The following MRAP2 variants were observed in gnomAD, a reference collection of about 807,000 sequenced individuals.
MRAP2 encodes the protein melanocortin 2 receptor accessory protein 2.
A neutral mutation model predicts 17.4 loss-of-function variants in MRAP2; 20 were observed. That is an observed-to-expected ratio of 1.15 (90% CI 0.81 to 1.67). The LOEUF is 1.67. MRAP2 is among the 40% of genes most tolerant of loss of function. The probability of loss-of-function intolerance (pLI) is 0.00; values close to 1 mark genes in which losing one functional copy is unlikely to be tolerated. For missense variants in MRAP2, 238 were observed against 240.0 expected (o/e 0.99, Z 0.05); for synonymous variants, 96 against 88.4 (o/e 1.09, Z -0.48).
At chr6:84,105,603 C>T in the MRAP2 span, among the ~76,000 whole-genome samples, 1 of 152,168 alleles carries the variant, frequency 6.6e-6, no homozygotes, top group African/African-American at 2.4e-5. Context: ...ACCATATCAG[C>T]ATGGTAGTAC....
chr6:84,127,631 T>C, the MRAP2 span, among the ~76,000 whole-genome samples: 1 of 152,202 alleles, frequency 6.6e-6, no homozygotes, highest in Admixed American at 6.5e-5. Context: ...GGCATAGTCA[T>C]ACACAGAATG....
the MRAP2 span, among the ~76,000 whole-genome samples, chr6:84,115,496 C>T: frequency 6.6e-6 from 1 of 152,186 alleles, no homozygotes; most frequent in Admixed American, 6.5e-5. Flanking sequence ...GCCAGTGGAA[C>T]TTAGCCTGCT....
the MRAP2 span, among the ~76,000 whole-genome samples, chr6:84,104,595 G>T: frequency 2.0e-5 from 3 of 152,146 alleles, no homozygotes; most frequent in Non-Finnish European, 2.9e-5. Context: ...TCGGCTGGGC[G>T]CAGTGGCTCA....
chr6:84,141,774 C>T, the MRAP2 span, among the ~76,000 whole-genome samples: 2 of 152,188 alleles, frequency 1.3e-5, no homozygotes, highest in Non-Finnish European at 2.9e-5. Context: ...TGTACCTACA[C>T]TCCACCTACT....
the MRAP2 span, among the ~76,000 whole-genome samples, chr6:84,108,173 C>T: frequency 6.6e-6 from 1 of 152,124 alleles, no homozygotes; most frequent in African/African-American, 2.4e-5. Context: ...GTCTTTATAA[C>T]AGAGCCATTT....
At chr6:84,139,717 A>G in the MRAP2 span, among the ~76,000 whole-genome samples, 3 of 152,184 alleles carry the variant, frequency 2.0e-5, no homozygotes, top group Non-Finnish European at 4.4e-5. Context: ...CTTCTTTTCC[A>G]TATTCAGATT....
At chr6:84,076,248 G>A (rs2099497575) in intron 3 of MRAP2, among the ~76,000 whole-genome samples, 1 of 146,662 alleles carries the variant, frequency 6.8e-6, no homozygotes, top group Admixed American at 6.8e-5. Context: ...TTTTGAGACA[G>A]AGTCTCACTC....
chr6:84,138,012 T>C, the MRAP2 span, among the ~76,000 whole-genome samples: 1 of 152,206 alleles, frequency 6.6e-6, no homozygotes, highest in Non-Finnish European at 1.5e-5. Flanking sequence ...ATTTCTATAA[T>C]TAATATACTA....
the MRAP2 span, among the ~76,000 whole-genome samples, chr6:84,128,760 G>A: frequency 1.1e-4 from 17 of 151,920 alleles, no homozygotes; most frequent in African/African-American, 4.1e-4. Context: ...TGTTACATAG[G>A]TATACACGTG....
intron 3 of MRAP2, 26 bp downstream of exon 3, chr6:84,063,018 C>T: frequency 6.2e-7 from 1 of 1,613,868 alleles, no homozygotes; most frequent in Non-Finnish European, 8.5e-7. Context: ...TCCTAAATGT[C>T]TCTTAAGCCT....
chr6:84,106,521 G>A, the MRAP2 span, among the ~76,000 whole-genome samples: 2 of 152,284 alleles, frequency 1.3e-5, no homozygotes, highest in Non-Finnish European at 2.9e-5. Flanking sequence ...TCATACCCAG[G>A]AAGGCTTTTG....
intron 3 of MRAP2, among the ~76,000 whole-genome samples, chr6:84,086,629 A>G (rs1207180589): frequency 6.6e-6 from 1 of 152,174 alleles, no homozygotes; most frequent in Non-Finnish European, 1.5e-5. Context: ...TGCTCTTCTC[A>G]GGAAGGGAGA....
chr6:84,088,234 AT>A (rs759812817), intron 3 of MRAP2, among the ~76,000 whole-genome samples: 1 of 152,194 alleles, frequency 6.6e-6, no homozygotes, highest in South Asian at 2.1e-4. Flanking sequence ...TGCATGGGCA[AT>A]CCTTCTTTAA....
At chr6:84,093,862 A>T (rs1377311969), downstream of MRAP2, among the ~76,000 whole-genome samples, 2 of 152,204 alleles carry the variant, frequency 1.3e-5, no homozygotes, top group African/African-American at 4.8e-5. Flanking sequence ...TAATCCCTTA[A>T]AGCAGGAACT....
chr6:84,138,790 C>G, the MRAP2 span, among the ~76,000 whole-genome samples: 1 of 152,144 alleles, frequency 6.6e-6, no homozygotes, highest in African/African-American at 2.4e-5. Context: ...ATTGCTTTCA[C>G]TAAAAACTTT....
the MRAP2 span, among the ~76,000 whole-genome samples, chr6:84,113,997 G>C: frequency 2.0e-5 from 3 of 152,140 alleles, no homozygotes; most frequent in African/African-American, 7.2e-5. Flanking sequence ...TTTCTCTCTT[G>C]CTGCCTTTAA....
intron 3 of MRAP2, among the ~76,000 whole-genome samples, chr6:84,073,914 A>G (rs373260627): frequency 2.0e-4 from 28 of 143,098 alleles, no homozygotes; most frequent in African/African-American, 7.4e-4. Flanking sequence ...CTCATCAGCT[A>G]TCATTAGTGT....
chr6:84,093,235 CA>C (rs2099502072), downstream of MRAP2, among the ~76,000 whole-genome samples: 1 of 149,982 alleles, frequency 6.7e-6, no homozygotes, highest in Non-Finnish European at 1.5e-5. Flanking sequence ...AACATAGGAG[CA>C]AAGAGAAAGA....
the MRAP2 span, among the ~76,000 whole-genome samples, chr6:84,107,057 C>T: frequency 4.6e-5 from 7 of 152,242 alleles, no homozygotes; most frequent in East Asian, 1.9e-4. Flanking sequence ...GGCTCCAAAC[C>T]GCATCCCTGT....
Sources: allele counts gnomAD v4.1 joint callset (sites outside exome capture counted in the v4.1 genomes callset), GRCh38; gene constraint gnomAD v4.1.1; transcripts MANE v1.5; gene names NCBI Gene and HGNC (gene_info 2026-07-23, HGNC 2026-07-21).